SHLD1: variants seen among roughly 807,000 people sequenced by gnomAD.
The protein encoded by SHLD1 is shieldin complex subunit 1.
SHLD1 carries 3 observed loss-of-function variants against 5.5 expected under a neutral mutation model. The observed-to-expected ratio is 0.54, with a 90% CI of 0.25 to 1.40. The LOEUF is 1.40. Among genes scored for constraint, SHLD1 ranks in the 40% most tolerant of loss-of-function variants. The pLI is 0.15. For synonymous variants in SHLD1, 92 were observed against 94.3 expected, an observed-to-expected ratio of 0.98 and a Z score of 0.14; for missense variants, 210 against 244.4, an observed-to-expected ratio of 0.86 and a Z score of 0.94.
intron 1 of SHLD1, among the ~76,000 whole-genome samples, chr20:5,770,462 A>G (rs1033286936): frequency 2.0e-5 from 3 of 152,190 alleles, no homozygotes; most frequent in African/African-American, 7.2e-5. Context: ...CTCATTTGCT[A>G]ACACTTCTCA....
At chr20:5,792,895 G>A (rs368004088) in intron 2 of SHLD1, among the ~76,000 whole-genome samples, 3 of 151,574 alleles carry the variant, frequency 2.0e-5, no homozygotes, top group Non-Finnish European at 4.4e-5. Context: ...GGCTGGTCTC[G>A]AACTCCCGAT....
chr20:5,763,453 A>G (rs2122206379), intron 1 of SHLD1, among the ~76,000 whole-genome samples: 1 of 152,294 alleles, frequency 6.6e-6, no homozygotes, highest in Non-Finnish European at 1.5e-5. Context: ...TCCTAAGTAG[A>G]ATACTACAGG....
At chr20:5,818,322 C>A (rs956972425) in intron 2 of SHLD1, among the ~76,000 whole-genome samples, 1 of 152,092 alleles carries the variant, frequency 6.6e-6, no homozygotes, top group African/African-American at 2.4e-5. Context: ...GTGATCCACC[C>A]GCCACAGCCT....
intron 1 of SHLD1, among the ~76,000 whole-genome samples, chr20:5,770,004 C>CAAA (rs113692130): frequency 4.4e-4 from 24 of 54,782 alleles, no homozygotes; most frequent in Admixed American, 6.3e-4. Context: ...AACTCCTTCT[C>CAAA]AAAAAAAAAA....
At chr20:5,785,833 T>C (rs1359392281) in intron 2 of SHLD1, among the ~76,000 whole-genome samples, 1 of 151,598 alleles carries the variant, frequency 6.6e-6, no homozygotes, top group Non-Finnish European at 1.5e-5. Flanking sequence ...ATGCAGTTAC[T>C]TCTTTAAGTC....
intron 2 of SHLD1, among the ~76,000 whole-genome samples, chr20:5,799,467 ATTTTTTTTTTTTT>A (rs548170853): frequency 4.1e-5 from 4 of 98,518 alleles, no homozygotes; most frequent in African/African-American, 1.3e-4. Context: ...TGCCTGGCTA[ATTTTTTTTTTTTT>A]TTTTTTTTTT....
chr20:5,837,728 T>C (rs999740890), intron 2 of SHLD1, among the ~76,000 whole-genome samples: 1 of 152,258 alleles, frequency 6.6e-6, no homozygotes, highest in Admixed American at 6.5e-5. Context: ...ACAGATCATA[T>C]GAACAGTGGA....
At chr20:5,805,683 C>A (rs2087364141) in intron 2 of SHLD1, among the ~76,000 whole-genome samples, 1 of 152,210 alleles carries the variant, frequency 6.6e-6, no homozygotes. Flanking sequence ...TCACTGCAAC[C>A]TCTGCCTCCT....
chr20:5,844,799 A>ATATATATATT (rs1460082835), intron 2 of SHLD1, among the ~76,000 whole-genome samples: 59 of 71,714 alleles, frequency 8.2e-4, no homozygotes, highest in East Asian at 8.2e-3. Flanking sequence ...ATATATATAT[A>ATATATATATT]TTTTTTTTTT....
intron 1 of SHLD1, among the ~76,000 whole-genome samples, chr20:5,763,371 C>T (rs1471936981): frequency 6.6e-6 from 1 of 151,954 alleles, no homozygotes; most frequent in Non-Finnish European, 1.5e-5. Flanking sequence ...AGTCAGGACC[C>T]CAGTTGACTC....
intron 2 of SHLD1, among the ~76,000 whole-genome samples, chr20:5,820,662 G>A (rs995774672): frequency 5.9e-5 from 9 of 152,264 alleles, no homozygotes; most frequent in African/African-American, 2.2e-4. Flanking sequence ...AGTTCACAAA[G>A]TGAAGAAGGG....
At chr20:5,755,758 C>T (rs1289491190) in intron 1 of SHLD1, among the ~76,000 whole-genome samples, 1 of 152,110 alleles carries the variant, frequency 6.6e-6, no homozygotes. Flanking sequence ...GGGGTTTCTC[C>T]ATGTTGGTCA....
intron 2 of SHLD1, among the ~76,000 whole-genome samples, chr20:5,818,344 G>A (rs1363939295): frequency 6.6e-6 from 1 of 152,180 alleles, no homozygotes; most frequent in Non-Finnish European, 1.5e-5. Context: ...CCAAAATACT[G>A]GGATTACAGG....
At chr20:5,843,936 T>A (rs2087896619) in intron 2 of SHLD1, among the ~76,000 whole-genome samples, 1 of 152,234 alleles carries the variant, frequency 6.6e-6, no homozygotes, top group Non-Finnish European at 1.5e-5. Context: ...TCTTTCTCTG[T>A]CACTTAGCCT....
chr20:5,772,897 T>C lies in SHLD1; in HGVS notation c.32T>C (p.Leu11Pro). 6.2e-7 allele frequency: 1 copy of C among 1,613,980 alleles called. No individual in the cohort carries two copies. Among genetic ancestry groups the C allele is most frequent in the East Asian group, 2.2e-5 (1 of 44,884 alleles). The change falls in exon 2 of 3, where the codon CTG becomes CCG. Residue 11 changes from leucine to proline, a missense_variant. Leu to Pro is a moderately conservative substitution (Grantham distance 98, BLOSUM62 -3). Transcript: ENST00000303142. The part of the protein sequence containing the change: MAARDATSGS[L>P]SEESSALDLP... Reference sequence around the variant, plus strand: ...GCCAGGGACGCCACTTCAGGCAGCCTGTCAGAGGAGAGCAGTGCTTTGGAC... The same window carrying C: ...GCCAGGGACGCCACTTCAGGCAGCCCGTCAGAGGAGAGCAGTGCTTTGGAC...
chr20:5,857,165 G>A (rs188269114), intron 2 of SHLD1, among the ~76,000 whole-genome samples: 13 of 152,224 alleles, frequency 8.5e-5, no homozygotes, highest in East Asian at 3.9e-4. Context: ...TAGTAGAGAC[G>A]GGGTTTCGCC....
chr20:5,776,299 G>T (rs1347796334), intron 2 of SHLD1, among the ~76,000 whole-genome samples: 2 of 152,154 alleles, frequency 1.3e-5, no homozygotes, highest in African/African-American at 4.8e-5. Flanking sequence ...CCAGAGGCTG[G>T]AAAGTCTAAG....
At chr20:5,834,810 C>T (rs2087770888) in intron 2 of SHLD1, among the ~76,000 whole-genome samples, 1 of 152,160 alleles carries the variant, frequency 6.6e-6, no homozygotes, top group African/African-American at 2.4e-5. Context: ...AAGGTGCTAA[C>T]AGATTCAGCA....
chr20:5,850,143 A>AATAAT (rs2087989366), intron 2 of SHLD1, among the ~76,000 whole-genome samples: 1 of 141,956 alleles, frequency 7.0e-6, no homozygotes, highest in African/African-American at 2.7e-5. Flanking sequence ...TAATAATAAT[A>AATAAT]ATAATAATTA....
Sources: gnomAD v4.1 joint callset for allele counts (sites outside exome capture counted in the v4.1 genomes callset) on GRCh38, gnomAD v4.1.1 for gene constraint, MANE v1.5 for transcripts, NCBI Gene and HGNC (gene_info 2026-07-23, HGNC 2026-07-21) for gene names.